Variants in ZFHX3 observed in about 807,000 individuals in gnomAD.
ZFHX3 encodes the protein zinc finger homeobox 3, also known as zinc finger homeobox protein 3.
Under a neutral mutation model 279.1 loss-of-function variants are expected in ZFHX3, and 42 were observed. The ratio of observed to expected loss-of-function variants is 0.15; its 90% CI spans 0.12 to 0.19. The LOEUF (loss-of-function observed/expected upper bound fraction) is 0.19, where lower values mean the gene tolerates loss of function less well. ZFHX3 is among the 10% of genes least tolerant of loss of function. ZFHX3 has a pLI of 1.00. For missense variants in ZFHX3, 4,981 were observed against 4,754.0 expected (o/e 1.05, Z -1.40); for synonymous variants, 2,293 against 1,957.8 (o/e 1.17, Z -4.52).
chr16:72,799,734 C>CTA (rs1352941271), intron 8 of ZFHX3, among the ~76,000 whole-genome samples: 1 of 152,206 alleles, frequency 6.6e-6, no homozygotes, highest in Admixed American at 6.5e-5. Context: ...GGCCTACTGA[C>CTA]TGAGTCTCTG....
chr16:73,459,358 T>C (rs1196768119), intron 2 of ZFHX3, among the ~76,000 whole-genome samples: 1 of 151,902 alleles, frequency 6.6e-6, no homozygotes, highest in Non-Finnish European at 1.5e-5. Flanking sequence ...GTTGTCTTTT[T>C]GTTGTTGTTT....
chr16:73,379,055 G>C (rs951922079), intron 3 of ZFHX3, among the ~76,000 whole-genome samples: 1 of 152,188 alleles, frequency 6.6e-6, no homozygotes, highest in East Asian at 1.9e-4. Context: ...TGATTCTGAC[G>C]ATCCCACGAA....
chr16:72,838,968 G>A (rs1010809393), intron 4 of ZFHX3, among the ~76,000 whole-genome samples: 4 of 151,592 alleles, frequency 2.6e-5, no homozygotes, highest in African/African-American at 4.9e-5. Flanking sequence ...ACCCTGAAAC[G>A]CTCTCGGAAT....
At chr16:73,070,838 A>G (rs1395890047) in intron 8 of ZFHX3, among the ~76,000 whole-genome samples, 1 of 137,156 alleles carries the variant, frequency 7.3e-6, no homozygotes, top group African/African-American at 2.8e-5. Flanking sequence ...GCCTTCCACC[A>G]CTTATTTCTC....
chr16:73,078,307 A>T (rs1965908496), intron 8 of ZFHX3, among the ~76,000 whole-genome samples: 1 of 152,168 alleles, frequency 6.6e-6, no homozygotes, highest in African/African-American at 2.4e-5. Flanking sequence ...ACAACCTCGA[A>T]GTCAAAGCCC....
intron 1 of ZFHX3, among the ~76,000 whole-genome samples, chr16:73,714,179 A>G (rs1484022583): frequency 6.6e-6 from 1 of 152,166 alleles, no homozygotes; most frequent in East Asian, 1.9e-4. Flanking sequence ...TAGGTTTTAA[A>G]AGACAATTTT....
rs116907928 is a variant in ZFHX3 at position 73,221,248 on chromosome 16, G to A, written c.-1104+35799C>T. On this transcript the variant is annotated intron_variant, in intron 5 of 17. Transcript: ENST00000641206. The stretch of plus-strand genomic sequence containing the variant: ...CTTACAAATGGTATGTGTGCCCATC[G>A]TATAAAATTTGTAAACTGCAAAAAA... Among the ~76,000 whole-genome samples the A allele has an allele frequency of 4.3e-3, 657 of 152,050 alleles. 7 individuals carry two copies. The highest frequency in any genetic ancestry group is 0.042 in the East Asian group (220 of 5,180).
chr16:73,523,720 G>A (rs997047639), intron 2 of ZFHX3, among the ~76,000 whole-genome samples: 3 of 150,724 alleles, frequency 2.0e-5, no homozygotes, highest in East Asian at 3.9e-4. Flanking sequence ...ACTTCTTCCT[G>A]AATTTCCCCT....
chr16:73,376,084 G>A (rs7198826), intron 3 of ZFHX3, among the ~76,000 whole-genome samples: 18,025 of 152,154 alleles, frequency 0.12, 1,111 homozygotes, highest in African/African-American at 0.13. Flanking sequence ...TGGCTATCCT[G>A]TTCCTCCTCC....
intron 1 of ZFHX3, among the ~76,000 whole-genome samples, chr16:73,786,227 C>T (rs1258421389): frequency 4.6e-5 from 7 of 151,932 alleles, no homozygotes; most frequent in Non-Finnish European, 1.0e-4. Context: ...GTGGCCTCTT[C>T]CTTTGTGTCT....
At chr16:72,932,577 T>C (rs1013748602) in intron 3 of ZFHX3, among the ~76,000 whole-genome samples, 3 of 151,048 alleles carry the variant, frequency 2.0e-5, no homozygotes, top group African/African-American at 7.3e-5. Context: ...CAAGGTTAAA[T>C]TACTGGCTCA....
chr16:73,515,357 C>T (rs1363765783), intron 2 of ZFHX3, among the ~76,000 whole-genome samples: 1 of 151,946 alleles, frequency 6.6e-6, no homozygotes, highest in Non-Finnish European at 1.5e-5. Context: ...AAAGGGATCC[C>T]TTAGTCACAA....
intron 4 of ZFHX3, among the ~76,000 whole-genome samples, chr16:72,884,842 T>A (rs887114559): frequency 6.6e-6 from 1 of 152,186 alleles, no homozygotes; most frequent in Non-Finnish European, 1.5e-5. Context: ...GGGAAGCAAA[T>A]GGCAGATGCC....
At position 73,431,707 on chromosome 16, in the gene ZFHX3, C is replaced by G. The variant is rs556635464; in HGVS notation, c.-1291+24296G>C. ...TATATACAATTCCATGATTTATTTC[C>G]TTGGGAGAGAAAATCCCAGCAATTT... On this transcript the variant is annotated intron_variant, in intron 3 of 17. Transcript: ENST00000641206. Among the ~76,000 whole-genome samples the G allele has an allele frequency of 4.0e-5, 6 of 151,884 alleles. No individual in the cohort carries two copies. In the East Asian group the frequency reaches 1.2e-3, roughly 29 times the overall value.
intron 1 of ZFHX3, among the ~76,000 whole-genome samples, chr16:73,046,164 C>G (rs184053657): frequency 6.6e-6 from 1 of 152,312 alleles, no homozygotes; most frequent in Admixed American, 6.5e-5. Context: ...AGAATGAACA[C>G]AAATACAGGC....
At chr16:73,100,686 C>T (rs1966220282) in intron 7 of ZFHX3, among the ~76,000 whole-genome samples, 1 of 151,904 alleles carries the variant, frequency 6.6e-6, no homozygotes, top group Non-Finnish European at 1.5e-5. Context: ...TAATTTCCAC[C>T]TCCCAGGTTC....
chr16:73,321,704 C>T (rs1567449961), intron 3 of ZFHX3, among the ~76,000 whole-genome samples: 2 of 152,210 alleles, frequency 1.3e-5, no homozygotes, highest in African/African-American at 2.4e-5. Context: ...GCCTGGCCTG[C>T]AGCTCAACTT....
chr16:73,174,283 ACAACAAC>A (rs1225344074), intron 5 of ZFHX3, among the ~76,000 whole-genome samples: 1 of 151,518 alleles, frequency 6.6e-6, no homozygotes, highest in Non-Finnish European at 1.5e-5. Flanking sequence ...AACAACAACA[ACAACAAC>A]AACAACAACA....
At chr16:73,173,545 T>C (rs1967589832) in intron 5 of ZFHX3, among the ~76,000 whole-genome samples, 1 of 152,132 alleles carries the variant, frequency 6.6e-6, no homozygotes, top group African/African-American at 2.4e-5. Flanking sequence ...TTCTTTTTTC[T>C]TAAAGTCTTC....
Sources: allele counts gnomAD v4.1 joint callset (sites outside exome capture counted in the v4.1 genomes callset), GRCh38; gene constraint gnomAD v4.1.1; transcripts MANE v1.5; gene names NCBI Gene and HGNC (gene_info 2026-07-23, HGNC 2026-07-21).